TIPARP: variants seen among roughly 807,000 people sequenced by gnomAD.
TIPARP encodes protein mono-ADP-ribosyltransferase TIPARP.
TIPARP carries 12 observed loss-of-function variants against 56.5 expected under a neutral mutation model. The observed-to-expected ratio is 0.21, with a 90% CI of 0.14 to 0.34. The LOEUF is 0.34. Ranked by LOEUF, TIPARP falls within the 10% of genes least tolerant of loss-of-function variation. The pLI, the probability that TIPARP is intolerant of heterozygous loss-of-function variation, is 1.00. For synonymous variants in TIPARP, 296 were observed against 265.7 expected (o/e 1.11, Z -1.11); for missense variants, 604 against 781.6 (o/e 0.77, Z 2.71).
At chr3:156,683,169 T>G (rs1235551234) in intron 2 of TIPARP, among the ~76,000 whole-genome samples, 9 of 152,218 alleles carry the variant, frequency 5.9e-5, no homozygotes. Context: ...CAAAATGATT[T>G]ATAACTTTTA....
At chr3:156,676,374 C>A (rs1577032132) in intron 1 of TIPARP, among the ~76,000 whole-genome samples, 1 of 152,230 alleles carries the variant, frequency 6.6e-6, no homozygotes, top group East Asian at 1.9e-4. Context: ...TGATGGACTT[C>A]TTACACATAG....
At chr3:156,697,059 G>C (rs192568912) in intron 4 of TIPARP, among the ~76,000 whole-genome samples, 1 of 152,280 alleles carries the variant, frequency 6.6e-6, no homozygotes, top group East Asian at 1.9e-4. Context: ...TTTGTAGTAA[G>C]ATTAATCTTA....
intron 2 of TIPARP, among the ~76,000 whole-genome samples, chr3:156,689,304 T>C (rs893770909): frequency 6.6e-5 from 10 of 152,158 alleles, no homozygotes; most frequent in African/African-American, 2.4e-4. Context: ...GCCCCACGTG[T>C]AATTATCCTT....
At chr3:156,684,712 G>A (rs978667876) in intron 2 of TIPARP, among the ~76,000 whole-genome samples, 5 of 152,166 alleles carry the variant, frequency 3.3e-5, no homozygotes, top group African/African-American at 9.7e-5. Context: ...GATTACAGGC[G>A]TGAGCCACTG....
At chr3:156,680,035 T>C (rs1386250518) in intron 2 of TIPARP, among the ~76,000 whole-genome samples, 1 of 152,226 alleles carries the variant, frequency 6.6e-6, no homozygotes, top group Non-Finnish European at 1.5e-5. Context: ...CATAAATCCA[T>C]GTGTCTTTTT....
chr3:156,699,810 G>A (rs774799045), intron 4 of TIPARP, among the ~76,000 whole-genome samples: 3 of 151,892 alleles, frequency 2.0e-5, no homozygotes, highest in Non-Finnish European at 4.4e-5. Context: ...TGATAATCAG[G>A]TATAAAGTAA....
intron 2 of TIPARP, among the ~76,000 whole-genome samples, chr3:156,686,977 T>C (rs1722446776): frequency 2.6e-5 from 4 of 152,196 alleles, no homozygotes; most frequent in Admixed American, 2.0e-4. Flanking sequence ...GGAGGCATTT[T>C]TTATTGTTTA....
At chr3:156,702,061 TG>T in intron 4 of TIPARP, among the ~76,000 whole-genome samples, 1 of 128,172 alleles carries the variant, frequency 7.8e-6, no homozygotes, top group Non-Finnish European at 1.7e-5. Context: ...GTGGTGGTGG[TG>T]GTGGTGGTGG....
intron 2 of TIPARP, among the ~76,000 whole-genome samples, chr3:156,687,584 T>C (rs1434173903): frequency 2.6e-5 from 4 of 152,212 alleles, no homozygotes; most frequent in Admixed American, 2.6e-4. Flanking sequence ...AGCAAACATC[T>C]AGATGTATTC....
chr3:156,690,945 C>T (rs1011282324), intron 2 of TIPARP, among the ~76,000 whole-genome samples: 1 of 152,160 alleles, frequency 6.6e-6, no homozygotes, highest in Non-Finnish European at 1.5e-5. Context: ...TTCATCTGCT[C>T]AATACTGTAA....
Position 156,704,812 on chromosome 3 carries a change from G to C in TIPARP, c.1655G>C (p.Cys552Ser). 6.2e-7 allele frequency: 1 copy of C among 1,614,238 alleles called. No individual in the cohort carries two copies. The highest frequency in any genetic ancestry group is 8.5e-7 in the Non-Finnish European group (1 of 1,180,038). Residue 552 changes from cysteine to serine, a missense_variant, in exon 6 of 6, where the codon TGT becomes TCT. Around this residue, in one of 4 missense-constraint regions of TIPARP, gnomAD observed 77 missense variants for 161.0 expected, o/e 0.48. Coordinates refer to ENST00000295924, the MANE Select transcript of TIPARP (RefSeq NM_015508.5). ...AAACACAACTTTGACCCTCGAGTCTGTGGAAAGCATGCTACAATGTTTGGA... is the reference window on the plus strand; with the variant it reads ...AAACACAACTTTGACCCTCGAGTCTCTGGAAAGCATGCTACAATGTTTGGA... ...ICKHNFDPRVCGKHATMFGQG... is the reference protein window; with the variant it reads ...ICKHNFDPRVSGKHATMFGQG...
chr3:156,686,668 T>C (rs1296028741), intron 2 of TIPARP, among the ~76,000 whole-genome samples: 2 of 152,150 alleles, frequency 1.3e-5, no homozygotes, highest in Non-Finnish European at 2.9e-5. Context: ...GTAAAAACCT[T>C]TTTATGGGTA....
Position 156,706,094 on chromosome 3 carries a change from T to C in TIPARP, c.*963T>C, listed in dbSNP as rs1722974329. ...AGTATTTGCTGGAATTATTGGTAGA[T>C]GGCAGTCCCACTCCTACACCTGCTT... On this transcript the variant is annotated 3_prime_UTR_variant, in exon 6 of 6. Coordinates refer to ENST00000295924, the MANE Select transcript of TIPARP (RefSeq NM_015508.5). 6.6e-6 allele frequency: 1 copy of C among 152,668 alleles called. No individual in the cohort carries two copies. The highest frequency in any genetic ancestry group is 2.4e-5 in the African/African-American group (1 of 41,460). 9.5% of individuals were successfully genotyped at this position (152,668 alleles called of 1,614,324 possible). A position where few individuals can be genotyped will look rare whatever the true frequency, so the allele number is the denominator to read the frequency against.
chr3:156,700,725 C>T (rs986271528), intron 4 of TIPARP, among the ~76,000 whole-genome samples: 4 of 152,158 alleles, frequency 2.6e-5, no homozygotes, highest in African/African-American at 9.7e-5. Flanking sequence ...TTTCTTTAAT[C>T]CCCCCTGAAA....
At chr3:156,682,106 T>A (rs891014694) in intron 2 of TIPARP, among the ~76,000 whole-genome samples, 2 of 152,194 alleles carry the variant, frequency 1.3e-5, no homozygotes, top group African/African-American at 2.4e-5. Context: ...AGATCACCAC[T>A]AGTTTCATAT....
intron 1 of TIPARP, among the ~76,000 whole-genome samples, chr3:156,676,925 T>C (rs937890148): frequency 6.6e-6 from 1 of 152,228 alleles, no homozygotes; most frequent in Admixed American, 6.5e-5. Flanking sequence ...GTGCTTGTCT[T>C]CTGACACATC....
At chr3:156,686,945 C>T (rs1454427626) in intron 2 of TIPARP, among the ~76,000 whole-genome samples, 1 of 152,018 alleles carries the variant, frequency 6.6e-6, no homozygotes, top group Non-Finnish European at 1.5e-5. Flanking sequence ...GAATTAACCA[C>T]TATTTGTGCC....
rs540593309 is a variant in TIPARP, at chr3:156,684,489, A to G, written c.917+5875A>G. 2.0e-5 allele frequency among the ~76,000 whole-genome samples: 3 copies of G among 152,340 alleles called. No homozygotes were observed. The East Asian group carries it at 5.8e-4, about 29-fold the overall frequency. ...GAGACCAAGTTTCAGGCTGGAGTGC[A>G]GTGGCATAATCTCGGCTCCTGCAAC... On this transcript the variant is annotated intron_variant, in intron 2 of 5. Coordinates refer to ENST00000295924, the MANE Select transcript of TIPARP (RefSeq NM_015508.5).
chr3:156,693,479 A>T (rs1349666150), intron 2 of TIPARP, among the ~76,000 whole-genome samples: 1 of 152,132 alleles, frequency 6.6e-6, no homozygotes, highest in East Asian at 1.9e-4. Flanking sequence ...AACCCACAGG[A>T]TAAAAGATAA....
Sources: gnomAD v4.1 joint callset for allele counts (sites outside exome capture counted in the v4.1 genomes callset) on GRCh38, gnomAD v4.1.1 for gene constraint, gnomAD v4.1.1 regional missense constraint, MANE v1.5 for transcripts, NCBI Gene and HGNC (gene_info 2026-07-23, HGNC 2026-07-21) for gene names.